SERF1B: variants seen among roughly 807,000 people sequenced by gnomAD.
The protein encoded by SERF1B is small EDRK-rich factor 1B.
chr5:70,041,619 C>T lies in SERF1B; in HGVS notation c.212C>T (p.Ala71Val). ...RENPCFPLPA[A>V]GGSRYYLAYG... ...AATCCTTGCTTTCCTCTTCCAGCTG[C>T]TGGTGGCTCCAGGTATTACTTGGCT... The change falls in exon 3 of 3, where the codon GCT (alanine) becomes GTT (valine). Residue 71 changes from alanine (A) to valine (V), a missense_variant. Ala to Val is a moderately conservative substitution (Grantham distance 64). Transcript: ENST00000380750. 1.6e-6 allele frequency: 1 copy of T among 630,326 alleles called. No individual in the cohort carries two copies. Among genetic ancestry groups the T allele is most frequent in the Non-Finnish European group, 2.9e-6 (1 of 349,704 alleles). 39.0% of individuals were successfully genotyped at this position (630,326 alleles called of 1,614,324 possible).
chr5:70,032,225 TA>T, intron 2 of SERF1B: 2 of 589,204 alleles, frequency 3.4e-6, no homozygotes, highest in Non-Finnish European at 6.1e-6. Flanking sequence ...AATTGTCTTC[TA>T]ATACACTGAA....
At chr5:70,036,690 C>T (rs1392313180) in intron 2 of SERF1B, among the ~76,000 whole-genome samples, 192 of 125,772 alleles carry the variant, frequency 1.5e-3, no homozygotes, top group Non-Finnish European at 2.2e-3. Flanking sequence ...GTTATTTTTA[C>T]GAAATTGTCA....
intron 2 of SERF1B, among the ~76,000 whole-genome samples, chr5:70,036,946 CTTCT>C: frequency 2.2e-5 from 1 of 45,194 alleles, no homozygotes; most frequent in Non-Finnish European, 4.2e-5. Context: ...CACACCTTCA[CTTCT>C]TAAAAACAAA....
intron 2 of SERF1B, among the ~76,000 whole-genome samples, chr5:70,036,625 A>ACTCTCTCTCTCTCT (rs1217735761): frequency 1.5e-4 from 8 of 51,726 alleles, no homozygotes; most frequent in South Asian, 1.5e-3. Context: ...ACACACACAC[A>ACTCTCTCTCTCTCT]CACACTCTCT....
At chr5:70,037,685 G>A (rs551142532) in intron 2 of SERF1B, among the ~76,000 whole-genome samples, 1 of 115,944 alleles carries the variant, frequency 8.6e-6, no homozygotes, top group East Asian at 2.1e-4. Flanking sequence ...GCCGGGCATG[G>A]TGGCTCATGC....
chr5:70,029,360 T>A (rs2112440712), intron 2 of SERF1B, among the ~76,000 whole-genome samples: 1 of 151,600 alleles, frequency 6.6e-6, no homozygotes, highest in Non-Finnish European at 1.5e-5. Context: ...GGTCTCAAAC[T>A]ACTGACCTCA....
At chr5:70,028,468 G>GCT (rs1414162889) in intron 2 of SERF1B, among the ~76,000 whole-genome samples, 3 of 151,304 alleles carry the variant, frequency 2.0e-5, no homozygotes, top group African/African-American at 7.3e-5. Context: ...CAGGAGAATG[G>GCT]CGTGAACCCG....
At chr5:70,030,090 G>A (rs1774134076) in intron 2 of SERF1B, 4 of 159,954 alleles carry the variant, frequency 2.5e-5, no homozygotes, top group South Asian at 1.5e-4. Flanking sequence ...TTCAATTTCT[G>A]TTGACTCACA....
intron 2 of SERF1B, among the ~76,000 whole-genome samples, chr5:70,029,308 G>A (rs1774113090): frequency 6.6e-6 from 1 of 151,778 alleles, no homozygotes; most frequent in Admixed American, 6.6e-5. Flanking sequence ...GCTAATTTTT[G>A]TATTTTTAGT....
At chr5:70,038,248 G>A (rs1336972889) in intron 2 of SERF1B, among the ~76,000 whole-genome samples, 1 of 150,330 alleles carries the variant, frequency 6.7e-6, no homozygotes, top group Non-Finnish European at 1.5e-5. Flanking sequence ...ACCACTCAAG[G>A]GGGCTGTTAG....
At chr5:70,041,393 C>T in intron 2 of SERF1B, 131 bp from the exon 3 acceptor site, 1 of 690,948 alleles carries the variant, frequency 1.4e-6, no homozygotes, top group South Asian at 1.7e-5. Context: ...TCTCTCAGTG[C>T]TCATGCAAAC....
At chr5:70,041,012 G>A (rs2112450786) in intron 2 of SERF1B, among the ~76,000 whole-genome samples, 1 of 151,648 alleles carries the variant, frequency 6.6e-6, no homozygotes, top group South Asian at 2.1e-4. Context: ...TATCTACTGA[G>A]TATATGCCAG....
intron 2 of SERF1B, among the ~76,000 whole-genome samples, chr5:70,028,931 C>T (rs1390231721): frequency 6.6e-6 from 1 of 151,460 alleles, no homozygotes; most frequent in Non-Finnish European, 1.5e-5. Context: ...GAGCTGAGAT[C>T]GCGCCACCGC....
intron 2 of SERF1B, among the ~76,000 whole-genome samples, chr5:70,028,882 C>G (rs1178266857): frequency 2.0e-5 from 3 of 149,984 alleles, no homozygotes; most frequent in Admixed American, 6.6e-5. Context: ...GAGGCTGAGG[C>G]AGGAGACTGG....
At chr5:70,038,393 G>A (rs907589639) in intron 2 of SERF1B, among the ~76,000 whole-genome samples, 1 of 102,686 alleles carries the variant, frequency 9.7e-6, no homozygotes, top group African/African-American at 4.2e-5. Flanking sequence ...GGTGGATCAC[G>A]AGGTCAGGAG....
intron 2 of SERF1B, among the ~76,000 whole-genome samples, chr5:70,029,502 A>G (rs1176913975): frequency 9.7e-5 from 14 of 144,206 alleles, no homozygotes; most frequent in African/African-American, 3.7e-4. Context: ...TAGGGTATAT[A>G]TGCACAACGT....
At chr5:70,029,824 G>T (rs1360585583) in intron 2 of SERF1B, 2 of 440,328 alleles carry the variant, frequency 4.5e-6, no homozygotes, top group Non-Finnish European at 9.0e-6. Flanking sequence ...TCGGTTCACT[G>T]CAAGCTCTGC....
intron 2 of SERF1B, chr5:70,029,847 A>G (rs1346212101): frequency 4.6e-6 from 2 of 437,778 alleles, no homozygotes; most frequent in African/African-American, 2.2e-5. Context: ...CCCAGGCTCA[A>G]GTGACCCTCC....
At chr5:70,036,629 A>ACACACACACACACT (rs763495681) in intron 2 of SERF1B, among the ~76,000 whole-genome samples, 4 of 49,878 alleles carry the variant, frequency 8.0e-5, no homozygotes, top group African/African-American at 2.7e-4. Context: ...ACACACACAC[A>ACACACACACACACT]CTCTCTCTCT....
Sources: allele counts gnomAD v4.1 joint callset (sites outside exome capture counted in the v4.1 genomes callset), GRCh38; gene constraint gnomAD v4.1.1; transcripts MANE v1.5; gene names NCBI Gene and HGNC (gene_info 2026-07-23, HGNC 2026-07-21).